Variants in AP3B2 observed in about 807,000 individuals in gnomAD.
AP3B2 encodes adaptor related protein complex 3 subunit beta 2.
In AP3B2, 50 loss-of-function variants were observed where a neutral mutation model predicts 126.9. That is an observed-to-expected ratio of 0.39 (90% CI 0.31 to 0.50). The LOEUF (loss-of-function observed/expected upper bound fraction) is 0.50. AP3B2 is among the 20% of genes least tolerant of loss of function. The pLI is 0.79. For synonymous variants in AP3B2, 541 were observed against 565.0 expected, an observed-to-expected ratio of 0.96 and a Z score of 0.60; for missense variants, 1,177 against 1,426.4, an observed-to-expected ratio of 0.83 and a Z score of 2.82.
intron 1 of AP3B2, chr15:82,699,642 C>T (rs2151459162): frequency 2.5e-6 from 1 of 397,360 alleles, no homozygotes; most frequent in Non-Finnish European, 4.4e-6. Context: ...ACCGTAGTGG[C>T]TGGCTCTGGC....
rs1075845 is a variant in AP3B2 at position 82,681,865 on chromosome 15, C to T, written c.361-285G>A. Among the ~76,000 whole-genome samples the T allele has an allele frequency of 0.23, 34,259 of 151,876 alleles. 5,101 individuals carry two copies. The highest frequency in any genetic ancestry group is 0.43 in the African/African-American group (17,718 of 41,344). On this transcript the variant is annotated intron_variant, in intron 4 of 26. Coordinates refer to ENST00000535359, the MANE Select transcript of AP3B2 (RefSeq NM_001278512.2). This position sits in a 1 kb window ranked among gnomAD's most constrained non-coding sequence, Gnocchi z 4.0. ...TAAAATTGCTGAAACACCTGAAACA[C>T]TTCCTGTTCCTTGTAAGGGTTTTTT...
intron 1 of AP3B2, among the ~76,000 whole-genome samples, chr15:82,696,698 C>T (rs1444396158): frequency 6.6e-6 from 1 of 152,226 alleles, no homozygotes; most frequent in African/African-American, 2.4e-5. Flanking sequence ...CAGCCCTGAG[C>T]TGTTGCTCCC....
chr15:82,672,887 C>T (rs1469276720), intron 14 of AP3B2, among the ~76,000 whole-genome samples: 1 of 152,200 alleles, frequency 6.6e-6, no homozygotes, highest in Non-Finnish European at 1.5e-5. Context: ...CTCTAGAAGG[C>T]AAGGGCAGCC....
chr15:82,668,389 G>A, intron 14 of AP3B2, among the ~76,000 whole-genome samples: 1 of 152,274 alleles, frequency 6.6e-6, no homozygotes, highest in African/African-American at 2.4e-5. Context: ...CCCTCTCTTG[G>A]CCAGACACCA....
intron 1 of AP3B2, chr15:82,699,765 G>A (rs1011622331): frequency 5.0e-6 from 2 of 399,296 alleles, no homozygotes; most frequent in Non-Finnish European, 8.8e-6. Context: ...ACCGGAGTGG[G>A]GGCCCACCTT....
rs770488138 is a variant in AP3B2 at position 82,661,889 on chromosome 15, C to G, written c.2952G>C (p.Gln984His). Residue 984 changes from glutamine (Q) to histidine (H), a missense_variant, in exon 25 of 27, where the codon CAG becomes CAC. Transcript: ENST00000535359. ...GGGCCATCAGCTCCCCAACAGGTGG[C>G]TGAATGGAGACGTAGAACTGTCGGG... ...TQTRQFYVSI[Q>H]PPVGELMAPV... 1 of 1,613,880 alleles carries G rather than the reference C, an allele frequency of 6.2e-7. No individual in the cohort carries two copies. Among genetic ancestry groups the G allele is most frequent in the Non-Finnish European group, 8.5e-7 (1 of 1,179,870 alleles).
chr15:82,674,827 G>A (rs939390009), intron 14 of AP3B2, among the ~76,000 whole-genome samples: 2 of 151,012 alleles, frequency 1.3e-5, no homozygotes, highest in East Asian at 3.9e-4. Flanking sequence ...TGCTGAGCAT[G>A]TCAGACTCCC....
intron 4 of AP3B2, among the ~76,000 whole-genome samples, chr15:82,684,085 T>C (rs1322875951): frequency 2.0e-5 from 3 of 152,210 alleles, no homozygotes; most frequent in East Asian, 3.8e-4. Flanking sequence ...AGAATGGTCA[T>C]TGAGCACTGG....
At chr15:82,666,506 G>C (rs140771984) in intron 15 of AP3B2, among the ~76,000 whole-genome samples, 1 of 152,218 alleles carries the variant, frequency 6.6e-6, no homozygotes, top group Non-Finnish European at 1.5e-5. Context: ...GAGGAGAGGA[G>C]GCACAAGTCC....
chr15:82,666,596 C>T (rs2048063395), intron 15 of AP3B2, 151 bp downstream of exon 15: 1 of 813,658 alleles, frequency 1.2e-6, no homozygotes, highest in Non-Finnish European at 1.9e-6. Flanking sequence ...ATTCCTGGTG[C>T]CACAGGAGGG....
In AP3B2 at chr15:82,659,282, A is replaced by G. The variant is rs1235989850; in HGVS notation, c.*278T>C. The G allele has an allele frequency of 5.7e-6, 2 of 352,808 alleles. No homozygotes were observed. The highest frequency in any genetic ancestry group is 5.2e-6 in the Non-Finnish European group (1 of 191,794). The allele number at this position is 352,808 out of a possible 1,614,324, so 21.9% of individuals were successfully genotyped here. On this transcript the variant is annotated 3_prime_UTR_variant, in exon 27 of 27. Coordinates refer to ENST00000535359, the MANE Select transcript of AP3B2 (RefSeq NM_001278512.2). ...TAGAAGGAAAGGTGAGCCAGCAGCT[A>G]GAGAGAAGACATTTTATTGAGCCTG...
chr15:82,683,509 T>C (rs1567267706), intron 4 of AP3B2, among the ~76,000 whole-genome samples: 1 of 152,220 alleles, frequency 6.6e-6, no homozygotes. Flanking sequence ...CCACCACATA[T>C]GTAGTTACTT....
intron 25 of AP3B2, 102 bp downstream of exon 25, chr15:82,661,723 G>T: frequency 1.1e-6 from 1 of 942,122 alleles, no homozygotes; most frequent in Non-Finnish European, 1.6e-6. Flanking sequence ...GCTGACCCCT[G>T]GTCTAGATGA....
At chr15:82,683,046 AG>A (rs2048367968) in intron 4 of AP3B2, among the ~76,000 whole-genome samples, 2 of 71,964 alleles carry the variant, frequency 2.8e-5, no homozygotes, top group Admixed American at 3.0e-4. Flanking sequence ...CTGCACCAGG[AG>A]TTTTTTTTTT....
intron 14 of AP3B2, among the ~76,000 whole-genome samples, chr15:82,675,849 G>A (rs2048233464): frequency 6.6e-6 from 1 of 152,176 alleles, no homozygotes; most frequent in South Asian, 2.1e-4. Flanking sequence ...ACCTTGAAAA[G>A]CTCAGCACAT....
At chr15:82,692,921 T>G (rs2048566834) in intron 1 of AP3B2, 1 of 151,910 alleles carries the variant, frequency 6.6e-6, no homozygotes, top group African/African-American at 2.4e-5. Context: ...ATTTGAAATT[T>G]CAAAGGGAAC....
At chr15:82,698,188 A>T (rs554491239) in intron 1 of AP3B2, among the ~76,000 whole-genome samples, 6 of 151,882 alleles carry the variant, frequency 4.0e-5, no homozygotes, top group Non-Finnish European at 8.8e-5. Flanking sequence ...CACTAGTAGA[A>T]TCCATACATA....
rs1159796248 is a variant in AP3B2 at position 82,664,732 on chromosome 15, G to A, written c.2137+103C>T. The A allele has an allele frequency of 7.0e-6, 7 of 1,002,210 alleles. No individual in the cohort carries two copies. The highest frequency in any genetic ancestry group is 8.8e-6 in the Non-Finnish European group (6 of 678,530). 62.1% of individuals were successfully genotyped at this position (1,002,210 alleles called of 1,614,324 possible). On this transcript the variant is annotated intron_variant, in intron 18 of 26. Transcript: ENST00000535359. The surrounding 1 kb of genome is among the most constrained non-coding windows in gnomAD (Gnocchi z 4.5). Reference sequence around the variant, plus strand: ...GTGCACAAACAATTCACAAGCAGGTGCACACCCCTAGACACACAACCATAT... The same window carrying A: ...GTGCACAAACAATTCACAAGCAGGTACACACCCCTAGACACACAACCATAT...
At chr15:82,687,443 A>G (rs2048448648) in intron 4 of AP3B2, 1 of 152,212 alleles carries the variant, frequency 6.6e-6, no homozygotes, top group South Asian at 2.1e-4. Flanking sequence ...GTTGGTAGAG[A>G]CTATAGGTGA....
Sources: allele counts gnomAD v4.1 joint callset (sites outside exome capture counted in the v4.1 genomes callset), GRCh38; gene constraint gnomAD v4.1.1; non-coding constraint Gnocchi (gnomAD v3.1); transcripts MANE v1.5; gene names NCBI Gene and HGNC (gene_info 2026-07-23, HGNC 2026-07-21).